Variants in PAX7 observed in about 807,000 individuals in gnomAD.
PAX7 encodes the protein paired box protein Pax-7.
In PAX7, 18 loss-of-function variants were observed where a neutral mutation model predicts 50.7. The observed-to-expected ratio is 0.36, with a 90% CI of 0.25 to 0.53. The LOEUF is 0.53. Ranked by LOEUF, PAX7 falls within the 20% of genes least tolerant of loss-of-function variation. The probability of loss-of-function intolerance (pLI) is 0.93; values close to 1 mark genes in which losing one functional copy is unlikely to be tolerated. For missense variants in PAX7, 644 were observed against 702.9 expected (o/e 0.92, Z 0.95); for synonymous variants, 310 against 290.4 (o/e 1.07, Z -0.69).
At chr1:18,724,518 C>T (rs764549005) in intron 7 of PAX7, among the ~76,000 whole-genome samples, 2 of 152,190 alleles carry the variant, frequency 1.3e-5, no homozygotes, top group Non-Finnish European at 2.9e-5. Context: ...ACAGGTGCAC[C>T]CACCTAACTA....
intron 7 of PAX7, among the ~76,000 whole-genome samples, chr1:18,727,003 C>T (rs1017821329): frequency 6.6e-6 from 1 of 152,218 alleles, no homozygotes; most frequent in African/African-American, 2.4e-5. Flanking sequence ...GTGCCCTATA[C>T]ATGTGCAGTG....
At chr1:18,694,279 T>C (rs1177655173) in intron 5 of PAX7, among the ~76,000 whole-genome samples, 1 of 151,810 alleles carries the variant, frequency 6.6e-6, no homozygotes. Flanking sequence ...CTGACCAACA[T>C]AGAAACCCTG....
At chr1:18,710,085 A>G (rs1396099555) in intron 7 of PAX7, among the ~76,000 whole-genome samples, 2 of 152,190 alleles carry the variant, frequency 1.3e-5, no homozygotes, top group South Asian at 2.1e-4. Context: ...AAGACATTCC[A>G]TCAATGGCAC....
At chr1:18,650,161 A>G (rs553324450) in intron 4 of PAX7, among the ~76,000 whole-genome samples, 1 of 152,218 alleles carries the variant, frequency 6.6e-6, no homozygotes, top group South Asian at 2.1e-4. Flanking sequence ...AGCTCTGTAT[A>G]CTCCTGGAAT....
intron 5 of PAX7, among the ~76,000 whole-genome samples, chr1:18,697,660 A>G (rs2089166766): frequency 6.6e-6 from 1 of 152,158 alleles, no homozygotes; most frequent in Non-Finnish European, 1.5e-5. Context: ...ACTGGGAAGG[A>G]GGTGAACCTA....
rs3079732 is a variant in PAX7, at chr1:18,665,672, C to CT, written c.587-26066dup. On this transcript the variant is annotated intron_variant, in intron 4 of 8. Coordinates refer to ENST00000420770, the MANE Select transcript of PAX7 (RefSeq NM_001135254.2). ...ACAGGCGTGAGCCACTGCGCCCAGC[C>CT]TTTTTTTTTTTTTTTTGAAACAGAG... Among the ~76,000 whole-genome samples, 676 of 122,250 alleles carry CT rather than the reference C, an allele frequency of 5.5e-3. 8 individuals carry two copies. Among genetic ancestry groups the CT allele is most frequent in the South Asian group, 0.011 (41 of 3,826 alleles). The allele number at this position is 122,250 out of a possible 152,430, so 80.2% of individuals were successfully genotyped here.
rs184043521 is a variant in PAX7, at chr1:18,691,750, G to A, written c.587-4G>A. The A allele has an allele frequency of 1.9e-6, 3 of 1,567,532 alleles. No homozygotes were observed. The highest frequency in any genetic ancestry group is 1.9e-5 in the Admixed American group (1 of 52,570). On this transcript the variant is annotated splice_region_variant and splice_polypyrimidine_tract_variant and intron_variant, in intron 4 of 8. Transcript: ENST00000420770. ...CCTTCTCCCTCCCTCTCCTCCGGCT[G>A]TAGGGAACCGGCTGGACGAGGGCTC...
chr1:18,652,173 C>T (rs1029196355), intron 4 of PAX7, among the ~76,000 whole-genome samples: 15 of 136,830 alleles, frequency 1.1e-4, no homozygotes, highest in African/African-American at 2.9e-4. Flanking sequence ...TGTGCAGAGC[C>T]GGTAGAGGGT....
In PAX7 at chr1:18,686,902, A is replaced by ATT. The variant is rs761030675; in HGVS notation, c.587-4847_587-4846dup. Among the ~76,000 whole-genome samples the ATT allele has an allele frequency of 5.4e-5, 8 of 149,162 alleles. No individual in the cohort carries two copies. In the East Asian group the frequency reaches 1.2e-3, roughly 22 times the overall value. ...ATTTTATTTTATTATTATTATTATT[A>ATT]TTTTTTGAGACAGAGTCTTGCTCTG... is the stretch of plus-strand genomic sequence containing the variant. On this transcript the variant is annotated intron_variant, in intron 4 of 8. Transcript: ENST00000420770.
At chr1:18,717,507 G>A (rs978652475) in intron 7 of PAX7, among the ~76,000 whole-genome samples, 1 of 152,158 alleles carries the variant, frequency 6.6e-6, no homozygotes, top group Non-Finnish European at 1.5e-5. Flanking sequence ...TCATCTCTCT[G>A]GTCTCAGCTC....
intron 4 of PAX7, among the ~76,000 whole-genome samples, chr1:18,646,649 A>G (rs1355266121): frequency 6.6e-6 from 1 of 152,084 alleles, no homozygotes; most frequent in Non-Finnish European, 1.5e-5. Context: ...TGGCCACTTT[A>G]GAAATACAAA....
intron 7 of PAX7, among the ~76,000 whole-genome samples, chr1:18,718,675 G>A (rs2089458433): frequency 6.7e-6 from 1 of 150,360 alleles, no homozygotes; most frequent in Non-Finnish European, 1.5e-5. Flanking sequence ...TGGGAGTCTC[G>A]CTGTGTCGCC....
intron 4 of PAX7, among the ~76,000 whole-genome samples, chr1:18,675,755 C>A (rs752582525): frequency 6.6e-6 from 1 of 152,180 alleles, no homozygotes; most frequent in Non-Finnish European, 1.5e-5. Flanking sequence ...CTGTGTTCGA[C>A]CCCGATGTGT....
chr1:18,639,093 C>T (rs1395801241), intron 4 of PAX7, among the ~76,000 whole-genome samples: 7 of 152,134 alleles, frequency 4.6e-5, no homozygotes. Context: ...AAGAGAGATC[C>T]CTCCCTGAGT....
chr1:18,666,131 C>CCGTCTCAATAAAATAAGACTG (rs1553136460), intron 4 of PAX7, among the ~76,000 whole-genome samples: 2 of 152,156 alleles, frequency 1.3e-5, no homozygotes, highest in African/African-American at 2.4e-5. Flanking sequence ...CAGCGTAGCT[C>CCGTCTCAATAAAATAAGACTG]CGTCTCAATA....
At position 18,733,041 on chromosome 1, in the gene PAX7, G is replaced by A. The variant is rs890695559; in HGVS notation, c.1156-2591G>A. ...CCAGGCCTCCTTTGAGCAGGGAGCA[G>A]GGTCCGTGTTTGTGTTGGGTGAGAA... On this transcript the variant is annotated intron_variant, in intron 7 of 8. Coordinates refer to ENST00000420770, the MANE Select transcript of PAX7 (RefSeq NM_001135254.2). Among the ~76,000 whole-genome samples the A allele has an allele frequency of 2.6e-5, 4 of 152,108 alleles. No individual in the cohort carries two copies. In the East Asian group the frequency reaches 7.7e-4, roughly 29 times the overall value.
At chr1:18,731,382 G>A (rs1409551734) in intron 7 of PAX7, among the ~76,000 whole-genome samples, 3 of 152,196 alleles carry the variant, frequency 2.0e-5, no homozygotes, top group African/African-American at 7.2e-5. Flanking sequence ...ACAGCTGGTG[G>A]CAGGGAAAGA....
rs2089707483 is a variant in PAX7 at position 18,735,924 on chromosome 1, C to A, written c.1402+46C>A. On this transcript the variant is annotated intron_variant, in intron 8 of 8. Coordinates refer to ENST00000420770, the MANE Select transcript of PAX7 (RefSeq NM_001135254.2). This position sits in a 1 kb window ranked among gnomAD's most constrained non-coding sequence, Gnocchi z 4.0. ...GCGTCCCCCGTCCCCATTCCTTCTC[C>A]CACCCCCAGGGCCTCCTGCTTGTTT... 6.2e-7 allele frequency: 1 copy of A among 1,613,856 alleles called. No homozygotes were observed. Among genetic ancestry groups the A allele is most frequent in the Non-Finnish European group, 8.5e-7 (1 of 1,180,032 alleles).
intron 4 of PAX7, among the ~76,000 whole-genome samples, chr1:18,685,208 A>ACTGC (rs1400656565): frequency 2.0e-5 from 3 of 152,154 alleles, no homozygotes; most frequent in Non-Finnish European, 2.9e-5. Flanking sequence ...TGGGGATAAC[A>ACTGC]CTGCCTGCCT....
Sources: gnomAD v4.1 joint callset for allele counts (sites outside exome capture counted in the v4.1 genomes callset) on GRCh38, gnomAD v4.1.1 for gene constraint, Gnocchi (gnomAD v3.1) non-coding constraint, MANE v1.5 for transcripts, NCBI Gene and HGNC (gene_info 2026-07-23, HGNC 2026-07-21) for gene names.